PXK: variants seen among roughly 807,000 people sequenced by gnomAD.
PXK encodes the protein PX domain containing serine/threonine kinase like.
Under a neutral mutation model 84.7 loss-of-function variants are expected in PXK, and 35 were observed. The observed-to-expected ratio is 0.41, with a 90% CI of 0.32 to 0.55. The LOEUF is 0.55. PXK is among the 20% of genes least tolerant of loss of function. The pLI is 0.21. For synonymous variants in PXK, 253 were observed against 260.8 expected, an observed-to-expected ratio of 0.97 and a Z score of 0.29; for missense variants, 634 against 699.7, an observed-to-expected ratio of 0.91 and a Z score of 1.06.
Position 58,408,781 on chromosome 3 carries a change from C to G in PXK, c.1231-143C>G, listed in dbSNP as rs531125856. ...GCGTGATCCGCCCGCCTTGGCCTCT[C>G]AAAGTCCTGGGATTACAGGCATGAG... On this transcript the variant is annotated intron_variant, in intron 13 of 17. Coordinates refer to ENST00000356151, the MANE Select transcript of PXK (RefSeq NM_017771.5). 8.4e-4 allele frequency: 537 copies of G among 642,992 alleles called. 1 individual carries two copies. The highest frequency in any genetic ancestry group is 1.3e-3 in the Non-Finnish European group (466 of 359,306). The allele number at this position is 642,992 out of a possible 1,614,324, so 39.8% of individuals were successfully genotyped here. A position where few individuals can be genotyped will look rare whatever the true frequency, so the allele number is the denominator to read the frequency against.
chr3:58,374,745 T>C (rs753597500), intron 3 of PXK, among the ~76,000 whole-genome samples: 4 of 152,220 alleles, frequency 2.6e-5, no homozygotes, highest in Non-Finnish European at 5.9e-5. Context: ...TTCTAAATTT[T>C]CTATTCTGTA....
rs766663845 is a variant in PXK, at chr3:58,345,986, A to G, written c.102+12896A>G. Among the ~76,000 whole-genome samples, 69 of 152,216 alleles carry G rather than the reference A, an allele frequency of 4.5e-4. 1 individual carries two copies. Among genetic ancestry groups the G allele is most frequent in the Non-Finnish European group, 9.0e-4 (61 of 68,038 alleles). On this transcript the variant is annotated intron_variant, in intron 1 of 17. Coordinates refer to ENST00000356151, the MANE Select transcript of PXK (RefSeq NM_017771.5). ...GGTCAAGGTTGCATTTGTAGACTTC[A>G]GGAGTTCATTAGTTCATTCAGCAGA...
At chr3:58,336,057 ATATATATATATATAT>A (rs1189755278) in intron 1 of PXK, among the ~76,000 whole-genome samples, 5 of 54,726 alleles carry the variant, frequency 9.1e-5, no homozygotes, top group African/African-American at 5.8e-4. Flanking sequence ...ATATATATAT[ATATATATATATATAT>A]TTTTTTTTTT....
At position 58,385,396 on chromosome 3, in the gene PXK, C is replaced by T. The variant is rs1158520997; in HGVS notation, c.388+2696C>T. Among the ~76,000 whole-genome samples the T allele has an allele frequency of 6.6e-6, 1 of 152,236 alleles. No homozygotes were observed. Among genetic ancestry groups the T allele is most frequent in the Admixed American group, 6.5e-5 (1 of 15,278 alleles). On this transcript the variant is annotated intron_variant, in intron 4 of 17. Coordinates refer to ENST00000356151, the MANE Select transcript of PXK (RefSeq NM_017771.5). The surrounding 1 kb of genome is among the most constrained non-coding windows in gnomAD (Gnocchi z 5.1). ...AGGAAAAGGAAGCATAGGCTGCCAC[C>T]TCCATGCCAGCTTGACAGGACCATT... is the stretch of plus-strand genomic sequence containing the variant.
intron 16 of PXK, 127 bp downstream of exon 16, chr3:58,410,286 A>C: frequency 1.6e-6 from 1 of 629,332 alleles, no homozygotes; most frequent in East Asian, 2.6e-5. Flanking sequence ...TACAGAGAAC[A>C]AAATAACTCC....
At chr3:58,375,747 T>C (rs966203742) in intron 3 of PXK, among the ~76,000 whole-genome samples, 6 of 152,126 alleles carry the variant, frequency 3.9e-5, no homozygotes, top group African/African-American at 7.2e-5. Flanking sequence ...CACCCTGACA[T>C]GGGATGGGTT....
intron 17 of PXK, chr3:58,422,626 G>A (rs12497256): frequency 0.24 from 238,866 of 985,216 alleles, 32,119 homozygotes; most frequent in East Asian, 0.81. Flanking sequence ...CAAACTCTGC[G>A]GTGGTGCATT....
In PXK at chr3:58,395,714, C is replaced by T; in HGVS notation, c.777C>T (p.Gly259=). 1 of 1,613,664 alleles carries T rather than the reference C, an allele frequency of 6.2e-7. No homozygotes were observed. Among genetic ancestry groups the T allele is most frequent in the Non-Finnish European group, 8.5e-7 (1 of 1,179,734 alleles). The change falls in exon 9 of 18, where the codon GGC becomes GGT. Residue 259 remains glycine (G), a synonymous_variant. Coordinates refer to ENST00000356151, the MANE Select transcript of PXK (RefSeq NM_017771.5). ...ACTGCAACCCTAAGAAGATTCAGGGCCTGGAACTCCAGCAAATAAAAACAT... is the reference window on the plus strand; with the variant it reads ...ACTGCAACCCTAAGAAGATTCAGGGTCTGGAACTCCAGCAAATAAAAACAT... ...KKYCNPKKIQ[G]LELQQIKTYG... is the part of the protein sequence containing the mutation.
At chr3:58,423,121 G>A (rs1465385958) in intron 17 of PXK, 1 of 985,240 alleles carries the variant, frequency 1.0e-6, no homozygotes, top group African/African-American at 1.7e-5. Flanking sequence ...CTTCAGCAGA[G>A]GTCTCCCCTC....
chr3:58,345,224 G>A (rs1225643908), intron 1 of PXK, among the ~76,000 whole-genome samples: 1 of 152,148 alleles, frequency 6.6e-6, no homozygotes, highest in South Asian at 2.1e-4. Flanking sequence ...TAGGGAACTC[G>A]GAGTGGTTAA....
rs138723446 is a variant in PXK, at chr3:58,355,273, T to G, written c.103-10601T>G. On this transcript the variant is annotated intron_variant, in intron 1 of 17. Transcript: ENST00000356151. ...ATTCTAGAATGCAGCAGGGTTGAGA[T>G]GCTCTGCCTTAGGGGTAGAGAGGTG... Among the ~76,000 whole-genome samples the G allele has an allele frequency of 2.6e-4, 40 of 152,312 alleles. No individual in the cohort carries two copies. The East Asian group carries it at 7.7e-3, about 29-fold the overall frequency.
intron 2 of PXK, 147 bp from the exon 3 acceptor site, chr3:58,369,284 T>G (rs1427993153): frequency 1.9e-6 from 1 of 540,118 alleles, no homozygotes; most frequent in Non-Finnish European, 3.2e-6. Context: ...GGTTAAACAG[T>G]TAAGCACCAG....
chr3:58,422,501 A>C, intron 17 of PXK: 1 of 985,336 alleles, frequency 1.0e-6, no homozygotes, highest in Non-Finnish European at 1.2e-6. Context: ...TGGACAGTGT[A>C]TTTATTGACA....
rs964507573 is a variant in PXK, at chr3:58,409,865, G to A, written c.1396-225G>A. Among the ~76,000 whole-genome samples the A allele has an allele frequency of 1.3e-5, 2 of 152,168 alleles. No individual in the cohort carries two copies. The highest frequency in any genetic ancestry group is 4.8e-5 in the African/African-American group (2 of 41,432). ...AGATTATGGCGTAATGTAATTGGAG[G>A]AAACGATTGGCCTGAGATAGTAAAG... On this transcript the variant is annotated intron_variant, in intron 15 of 17. Transcript: ENST00000356151. This position sits in a 1 kb window ranked among gnomAD's most constrained non-coding sequence, Gnocchi z 4.2.
intron 1 of PXK, among the ~76,000 whole-genome samples, chr3:58,361,566 A>G (rs2098188145): frequency 6.6e-6 from 1 of 152,120 alleles, no homozygotes; most frequent in Non-Finnish European, 1.5e-5. Context: ...TAATTTTGTC[A>G]CTTCAAGAAT....
At chr3:58,354,748 C>T (rs113945513) in intron 1 of PXK, among the ~76,000 whole-genome samples, 18,934 of 151,878 alleles carry the variant, frequency 0.12, 1,777 homozygotes, top group African/African-American at 0.25. Context: ...GCGCCTGGCC[C>T]GATTTCTTTA....
At chr3:58,403,728 T>G in intron 12 of PXK, 134 bp from the exon 13 acceptor site, 1 of 428,684 alleles carries the variant, frequency 2.3e-6, no homozygotes. Flanking sequence ...GAATGGTGGA[T>G]TGGGCCAGGG....
chr3:58,410,191 G>A, intron 16 of PXK, 32 bp downstream of exon 16: 1 of 1,489,784 alleles, frequency 6.7e-7, no homozygotes, highest in Non-Finnish European at 9.4e-7. Context: ...TGGGGCCCAG[G>A]ACACAGAGAT....
intron 1 of PXK, among the ~76,000 whole-genome samples, chr3:58,337,712 C>T (rs1044970196): frequency 1.1e-4 from 17 of 152,096 alleles, no homozygotes; most frequent in African/African-American, 4.1e-4. Flanking sequence ...TCAAGTGATC[C>T]TCCTGCCTCG....
Sources: gnomAD v4.1 joint callset for allele counts (sites outside exome capture counted in the v4.1 genomes callset) on GRCh38, gnomAD v4.1.1 for gene constraint, Gnocchi (gnomAD v3.1) non-coding constraint, MANE v1.5 for transcripts, NCBI Gene and HGNC (gene_info 2026-07-23, HGNC 2026-07-21) for gene names.